Variants in AP3B1 observed in about 807,000 individuals in gnomAD.
The protein encoded by AP3B1 is adaptor related protein complex 3 subunit beta 1, also known as AP-3 complex subunit beta-1.
A neutral mutation model predicts 132.5 loss-of-function variants in AP3B1; 61 were observed. The ratio of observed to expected loss-of-function variants is 0.46; its 90% CI spans 0.37 to 0.57. The LOEUF is 0.57. AP3B1 is among the 20% of genes least tolerant of loss of function. The pLI is 0.00. For missense variants in AP3B1, 1,120 were observed against 1,289.4 expected (o/e 0.87, Z 2.01); for synonymous variants, 388 against 438.3 (o/e 0.89, Z 1.43).
chr5:78,135,948 G>C (rs57850230), intron 15 of AP3B1, among the ~76,000 whole-genome samples: 43,962 of 151,716 alleles, frequency 0.29, 6,775 homozygotes, highest in Admixed American at 0.39. Context: ...AATTACTCCT[G>C]TGTGAGAGTA....
rs139968311 is a variant in AP3B1 at position 78,020,769 on chromosome 5, T to C, written c.2915A>G (p.Asn972Ser). The part of the protein sequence containing the change: ...FQLCTKDDCF[N>S]VNIQPPVGEL... ...TCCAACAGGTGGCTGAATATTAACA[T>C]TGAAGCAATCATCCTTGGTACTGAA... The change falls in exon 25 of 27, where the codon AAT becomes AGT. Residue 972 changes from asparagine to serine, a missense_variant. Asn to Ser is a conservative substitution (Grantham distance 46). Transcript: ENST00000255194. 4.9e-4 allele frequency: 786 copies of C among 1,612,202 alleles called. 2 individuals carry two copies. The African/African-American group carries it at 6.2e-3, about 13-fold the overall frequency.
chr5:78,287,726 C>A (rs1749340416), intron 1 of AP3B1, among the ~76,000 whole-genome samples: 1 of 146,498 alleles, frequency 6.8e-6, no homozygotes, highest in Admixed American at 6.9e-5. Flanking sequence ...ACTAAAATTT[C>A]CTAATAACTT....
At chr5:78,281,977 A>C (rs1453047030) in intron 1 of AP3B1, among the ~76,000 whole-genome samples, 1 of 152,076 alleles carries the variant, frequency 6.6e-6, no homozygotes, top group Non-Finnish European at 1.5e-5. Flanking sequence ...AAGAGAAACT[A>C]CTCTAAAAGA....
chr5:78,028,092 C>A (rs1302545168), intron 24 of AP3B1, among the ~76,000 whole-genome samples: 1 of 151,684 alleles, frequency 6.6e-6, no homozygotes, highest in African/African-American at 2.4e-5. Context: ...CACCACTGCA[C>A]TCCAGCCTGG....
At chr5:78,153,348 G>A (rs946184562) in intron 14 of AP3B1, among the ~76,000 whole-genome samples, 13 of 151,798 alleles carry the variant, frequency 8.6e-5, no homozygotes, top group African/African-American at 2.2e-4. Context: ...CAGACATTTT[G>A]TCTGATGTAA....
chr5:78,049,970 CGCCAATG>C (rs1748510662), intron 22 of AP3B1, among the ~76,000 whole-genome samples: 1 of 152,300 alleles, frequency 6.6e-6, no homozygotes, highest in South Asian at 2.1e-4. Flanking sequence ...GCTCAAAACC[CGCCAATG>C]GCCAGGATCC....
At chr5:78,034,286 A>C (rs1175036770) in intron 24 of AP3B1, 75 bp downstream of exon 24, 3 of 1,109,686 alleles carry the variant, frequency 2.7e-6, no homozygotes, top group Admixed American at 1.7e-5. Context: ...CACACACAAA[A>C]GCTGTTGAAA....
intron 1 of AP3B1, among the ~76,000 whole-genome samples, chr5:78,279,929 T>TA (rs1748979373): frequency 6.9e-5 from 7 of 102,054 alleles, no homozygotes; most frequent in African/African-American, 2.0e-4. Flanking sequence ...TATATATATA[T>TA]TAGCCAGGCA....
chr5:78,187,781 G>A (rs918636287), intron 7 of AP3B1, among the ~76,000 whole-genome samples: 25 of 152,134 alleles, frequency 1.6e-4, no homozygotes, highest in African/African-American at 5.5e-4. Context: ...CCAAGACAAT[G>A]CTAAGCAAAA....
At chr5:78,163,035 A>G in intron 12 of AP3B1, 84 bp from the exon 13 acceptor site, 1 of 1,321,414 alleles carries the variant, frequency 7.6e-7, no homozygotes, top group Non-Finnish European at 1.1e-6. Flanking sequence ...TTGTCAATAT[A>G]TAAGAATTCC....
At chr5:78,189,415 G>A (rs1744735264) in intron 7 of AP3B1, among the ~76,000 whole-genome samples, 1 of 151,896 alleles carries the variant, frequency 6.6e-6, no homozygotes, top group Non-Finnish European at 1.5e-5. Context: ...TTGCACTACT[G>A]TATTTCTTCA....
chr5:78,082,846 G>A (rs1367323124), intron 22 of AP3B1, among the ~76,000 whole-genome samples: 1 of 150,930 alleles, frequency 6.6e-6, no homozygotes, highest in African/African-American at 2.4e-5. Flanking sequence ...ACGGAGTTTC[G>A]CTCTTGTTGC....
intron 15 of AP3B1, among the ~76,000 whole-genome samples, chr5:78,133,768 C>G (rs960791845): frequency 1.3e-5 from 2 of 152,018 alleles, no homozygotes; most frequent in Non-Finnish European, 2.9e-5. Context: ...ATATATACAG[C>G]TATTTATTAA....
intron 19 of AP3B1, 148 bp downstream of exon 19, chr5:78,113,604 T>C (rs1028748241): frequency 1.5e-5 from 12 of 819,242 alleles, no homozygotes; most frequent in Admixed American, 4.8e-5. Flanking sequence ...TGTGAACAAC[T>C]AGCACTTTAA....
intron 12 of AP3B1, among the ~76,000 whole-genome samples, chr5:78,164,365 C>G (rs1273998981): frequency 1.3e-5 from 2 of 151,774 alleles, no homozygotes; most frequent in Non-Finnish European, 2.9e-5. Flanking sequence ...ACTAGATGAC[C>G]AATATTTTGA....
rs563072239 is a variant in AP3B1, at chr5:78,205,799, A to C, written c.786+10256T>G. Among the ~76,000 whole-genome samples, 3 of 152,278 alleles carry C rather than the reference A, an allele frequency of 2.0e-5. No individual in the cohort carries two copies. In the East Asian group the frequency reaches 5.8e-4, roughly 29 times the overall value. ...GACAAGTACATGAATTTTCAGCAGGACATACACAGAATCATGGGGATGGAG... is the reference window on the plus strand; with the variant it reads ...GACAAGTACATGAATTTTCAGCAGGCCATACACAGAATCATGGGGATGGAG... On this transcript the variant is annotated intron_variant, in intron 7 of 26. Coordinates refer to ENST00000255194, the MANE Select transcript of AP3B1 (RefSeq NM_003664.5).
In AP3B1 at chr5:78,039,268, T is replaced by C; in HGVS notation, c.2584A>G (p.Thr862Ala). The C allele has an allele frequency of 6.2e-7, 1 of 1,613,346 alleles. No homozygotes were observed. The highest frequency in any genetic ancestry group is 8.5e-7 in the Non-Finnish European group (1 of 1,179,324). Residue 862 changes from threonine to alanine, a missense_variant, in exon 23 of 27, where the codon ACT (threonine) becomes GCT (alanine). By Grantham distance (58) the Thr-to-Ala change is moderately conservative. Around this residue, in one of 3 missense-constraint regions of AP3B1, gnomAD observed 906 missense variants for 997.1 expected, o/e 0.91. Coordinates refer to ENST00000255194, the MANE Select transcript of AP3B1 (RefSeq NM_003664.5). Reference sequence around the variant, plus strand: ...GTTTTCGTTGGTACAAATGCAGGAGTACTGACCTATTACACACGGCAAAAA... The same window carrying C: ...GTTTTCGTTGGTACAAATGCAGGAGCACTGACCTATTACACACGGCAAAAA... ...STSSSVISVS[T>A]PAFVPTKTHV...
rs1748453601 is a variant in AP3B1, at chr5:78,048,808, T to C, written c.2578-9534A>G. On this transcript the variant is annotated intron_variant, in intron 22 of 26. Coordinates refer to ENST00000255194, the MANE Select transcript of AP3B1 (RefSeq NM_003664.5). ...TTATTTATTTACTACTTAACCTAGT[T>C]CAAATTGGGATTCTATCATCTATCT... is the stretch of plus-strand genomic sequence containing the variant. Among the ~76,000 whole-genome samples the C allele has an allele frequency of 3.3e-5, 5 of 152,264 alleles. No individual in the cohort carries two copies. The South Asian group carries it at 1.0e-3, about 32-fold the overall frequency.
rs529739154 is a variant in AP3B1 at position 78,140,200 on chromosome 5, T to TA, written c.1650+942dup. On this transcript the variant is annotated intron_variant, in intron 15 of 26. Transcript: ENST00000255194. ...CAGCTGCTCAAAAAGTCAATGGACTTAAAAAATGAATATTCTAAACTGCAA... is the reference window on the plus strand; with the variant it reads ...CAGCTGCTCAAAAAGTCAATGGACTTAAAAAAATGAATATTCTAAACTGCAA... Among the ~76,000 whole-genome samples, 5 of 152,182 alleles carry TA rather than the reference T, an allele frequency of 3.3e-5. No homozygotes were observed. The South Asian group carries it at 8.3e-4, about 25-fold the overall frequency.
Sources: gnomAD v4.1 joint callset for allele counts (sites outside exome capture counted in the v4.1 genomes callset) on GRCh38, gnomAD v4.1.1 for gene constraint, gnomAD v4.1.1 regional missense constraint, MANE v1.5 for transcripts, NCBI Gene and HGNC (gene_info 2026-07-23, HGNC 2026-07-21) for gene names.